Variants in RALGPS1 observed in about 807,000 individuals in gnomAD.
RALGPS1 encodes ras-specific guanine nucleotide-releasing factor RalGPS1.
In RALGPS1, 19 loss-of-function variants were observed where a neutral mutation model predicts 78.8. The ratio of observed to expected loss-of-function variants is 0.24; its 90% CI spans 0.17 to 0.35. The LOEUF (loss-of-function observed/expected upper bound fraction) is 0.35, where lower values mean the gene tolerates loss of function less well. Ranked by LOEUF, RALGPS1 falls within the 10% of genes least tolerant of loss-of-function variation. The probability of loss-of-function intolerance (pLI) is 1.00; values close to 1 mark genes in which losing one functional copy is unlikely to be tolerated. For missense variants in RALGPS1, 454 were observed against 688.3 expected, an observed-to-expected ratio of 0.66 and a Z score of 3.81; for synonymous variants, 228 against 256.3, an observed-to-expected ratio of 0.89 and a Z score of 1.06.
intron 7 of RALGPS1, among the ~76,000 whole-genome samples, chr9:127,065,042 C>T (rs1251521811): frequency 5.3e-5 from 8 of 151,954 alleles, no homozygotes; most frequent in Admixed American, 4.6e-4. Context: ...TGGGCTCAAG[C>T]AATCCTCCCG....
Position 127,116,288 on chromosome 9 carries a change from C to T in RALGPS1, c.610+46932C>T, listed in dbSNP as rs745518467. 3.7e-4 allele frequency among the ~76,000 whole-genome samples: 56 copies of T among 151,196 alleles called. 1 individual carries two copies. The highest frequency in any genetic ancestry group is 2.9e-4 in the Non-Finnish European group (20 of 67,854). On this transcript the variant is annotated intron_variant, in intron 8 of 18. Transcript: ENST00000259351. ...CTCCAGGAAGAGTTCATGGAGGAGGCGGGTTGTGGTCACACCATGAGATCA... is the reference window on the plus strand; with the variant it reads ...CTCCAGGAAGAGTTCATGGAGGAGGTGGGTTGTGGTCACACCATGAGATCA...
At chr9:127,159,078 G>A (rs1055152200) in intron 8 of RALGPS1, among the ~76,000 whole-genome samples, 5 of 151,956 alleles carry the variant, frequency 3.3e-5, no homozygotes, top group African/African-American at 1.2e-4. Context: ...TCATTGAAGG[G>A]TTAAATGAGC....
intron 4 of RALGPS1, chr9:127,016,621 A>G (rs1397720394): frequency 2.0e-5 from 3 of 152,190 alleles, no homozygotes; most frequent in Admixed American, 2.0e-4. Context: ...AGCTGGATCT[A>G]CTTAACCCAT....
intron 7 of RALGPS1, among the ~76,000 whole-genome samples, chr9:127,059,436 C>T (rs2135570791): frequency 6.6e-6 from 1 of 152,322 alleles, no homozygotes; most frequent in South Asian, 2.1e-4. Flanking sequence ...CATTTGCACC[C>T]TCATCTTCCT....
intron 1 of RALGPS1, among the ~76,000 whole-genome samples, chr9:126,933,633 G>A (rs1479332040): frequency 6.6e-6 from 1 of 152,180 alleles, no homozygotes; most frequent in Admixed American, 6.5e-5. Context: ...TCGGGAGGGA[G>A]CAGAAGTCAC....
intron 10 of RALGPS1, among the ~76,000 whole-genome samples, chr9:127,174,020 G>A (rs2059703624): frequency 6.6e-6 from 1 of 151,944 alleles, no homozygotes; most frequent in African/African-American, 2.4e-5. Flanking sequence ...CTCAAAAAAG[G>A]GGAGGCCGAG....
At position 127,208,961 on chromosome 9, in the gene RALGPS1, G is replaced by A. The variant is rs548997871; in HGVS notation, c.1248-3170G>A. On this transcript the variant is annotated intron_variant, in intron 14 of 18. Coordinates refer to ENST00000259351, the MANE Select transcript of RALGPS1 (RefSeq NM_014636.3). ...TGGCATCACATTCTCCTCAGGTAGCGGGGAAAAAGACTCACGAGAAGAAAA... is the reference window on the plus strand; with the variant it reads ...TGGCATCACATTCTCCTCAGGTAGCAGGGAAAAAGACTCACGAGAAGAAAA... Among the ~76,000 whole-genome samples the A allele has an allele frequency of 2.1e-4, 32 of 152,296 alleles. No homozygotes were observed. In the South Asian group the frequency reaches 3.9e-3, roughly 19 times the overall value.
chr9:127,104,456 T>C (rs531273573), intron 8 of RALGPS1, among the ~76,000 whole-genome samples: 3 of 152,280 alleles, frequency 2.0e-5, no homozygotes, highest in South Asian at 4.2e-4. Flanking sequence ...GCAGGATAGG[T>C]GGGGCAGAGG....
chr9:126,979,610 G>A (rs944186741), intron 4 of RALGPS1, among the ~76,000 whole-genome samples: 1 of 152,174 alleles, frequency 6.6e-6, no homozygotes, highest in African/African-American at 2.4e-5. Flanking sequence ...CAGGAGACTG[G>A]GATCCTTGCC....
At chr9:126,960,981 T>A (rs2038855180) in intron 1 of RALGPS1, among the ~76,000 whole-genome samples, 1 of 152,104 alleles carries the variant, frequency 6.6e-6, no homozygotes, top group Non-Finnish European at 1.5e-5. Context: ...CAGCCTCAGC[T>A]CAGGGGCCCT....
intron 8 of RALGPS1, among the ~76,000 whole-genome samples, chr9:127,106,727 C>T (rs1034088713): frequency 1.3e-5 from 2 of 152,240 alleles, no homozygotes; most frequent in Non-Finnish European, 2.9e-5. Flanking sequence ...CCCACCCCAT[C>T]TGAAAACAAT....
intron 4 of RALGPS1, among the ~76,000 whole-genome samples, chr9:127,000,165 C>T (rs1464862630): frequency 6.6e-6 from 1 of 152,040 alleles, no homozygotes; most frequent in Non-Finnish European, 1.5e-5. Flanking sequence ...CTTTTGGTTT[C>T]ATTATTTTTT....
chr9:127,045,329 A>G (rs1311254857), intron 5 of RALGPS1, among the ~76,000 whole-genome samples: 1 of 152,248 alleles, frequency 6.6e-6, no homozygotes, highest in East Asian at 1.9e-4. Flanking sequence ...GGACAGGGAG[A>G]GAAAACTTTG....
chr9:127,018,449 C>T (rs1319516629), intron 4 of RALGPS1, among the ~76,000 whole-genome samples: 1 of 152,040 alleles, frequency 6.6e-6, no homozygotes, highest in Non-Finnish European at 1.5e-5. Context: ...GCCTGCCGAA[C>T]ACGGTGAAAC....
chr9:126,982,919 CTTCTTCTTCT>C (rs2041423085), intron 4 of RALGPS1, among the ~76,000 whole-genome samples: 2 of 76,446 alleles, frequency 2.6e-5, no homozygotes, highest in African/African-American at 7.4e-5. Context: ...TCTTCTTCTT[CTTCTTCTTCT>C]TTTTTTTTTT....
chr9:127,085,190 C>T (rs778392682), intron 8 of RALGPS1, among the ~76,000 whole-genome samples: 7 of 152,130 alleles, frequency 4.6e-5, no homozygotes, highest in South Asian at 2.1e-4. Context: ...AGGTGGGTGC[C>T]GCTTGTCACC....
intron 10 of RALGPS1, 130 bp downstream of exon 10, chr9:127,168,902 C>T (rs995381416): frequency 1.4e-6 from 1 of 705,412 alleles, no homozygotes; most frequent in East Asian, 2.5e-5. Context: ...TCAGAGTCCA[C>T]AGCAGTAGCG....
chr9:127,222,698 CAG>C lies in RALGPS1; in HGVS notation c.*3930_*3931del, dbSNP rs1166448273. 2 of 152,608 alleles carry C rather than the reference CAG, an allele frequency of 1.3e-5. No homozygotes were observed. The highest frequency in any genetic ancestry group is 2.9e-5 in the Non-Finnish European group (2 of 68,036). 9.5% of individuals were successfully genotyped at this position (152,608 alleles called of 1,614,324 possible). A position where few individuals can be genotyped will look rare whatever the true frequency, so the allele number is the denominator to read the frequency against. ...CCATTGCTGAACGACTGTGACTATT[CAG>C]TAACGAAGTAATAGTAATTAATTAG... On this transcript the variant is annotated 3_prime_UTR_variant, in exon 19 of 19. Coordinates refer to ENST00000259351, the MANE Select transcript of RALGPS1 (RefSeq NM_014636.3).
intron 1 of RALGPS1, among the ~76,000 whole-genome samples, chr9:126,947,561 C>T (rs527791189): frequency 6.6e-6 from 1 of 152,278 alleles, no homozygotes; most frequent in South Asian, 2.1e-4. Flanking sequence ...ATGATTCTCC[C>T]CAGAGGAGGA....
Sources: gnomAD v4.1 joint callset for allele counts (sites outside exome capture counted in the v4.1 genomes callset) on GRCh38, gnomAD v4.1.1 for gene constraint, MANE v1.5 for transcripts, NCBI Gene and HGNC (gene_info 2026-07-23, HGNC 2026-07-21) for gene names.